The following THAP6 variants were observed in gnomAD, a reference collection of about 807,000 sequenced individuals.
THAP6 encodes THAP domain-containing protein 6.
Under a neutral mutation model 20.0 loss-of-function variants are expected in THAP6, and 13 were observed. The ratio of observed to expected loss-of-function variants is 0.65; its 90% CI spans 0.42 to 1.03. The LOEUF is 1.03. THAP6 is among the 50% of genes least tolerant of loss of function. The probability of loss-of-function intolerance (pLI) is 0.00; values close to 1 mark genes in which losing one functional copy is unlikely to be tolerated. For missense variants in THAP6, 262 were observed against 261.6 expected (o/e 1.00, Z -0.01); for synonymous variants, 93 against 92.2 (o/e 1.01, Z -0.05).
chr4:75,521,098 G>T (rs1725996199), intron 3 of THAP6, among the ~76,000 whole-genome samples: 1 of 147,764 alleles, frequency 6.8e-6, no homozygotes. Flanking sequence ...ACTTTTTATT[G>T]TTTGTCTTCA....
At chr4:75,524,034 G>C (rs1381873558) in intron 4 of THAP6, among the ~76,000 whole-genome samples, 1 of 152,064 alleles carries the variant, frequency 6.6e-6, no homozygotes, top group African/African-American at 2.4e-5. Context: ...CTTTTCCCCA[G>C]TTTATGTTCT....
At chr4:75,530,138 T>G (rs1726632231), downstream of THAP6, 2 of 932,024 alleles carry the variant, frequency 2.1e-6, no homozygotes, top group Admixed American at 6.2e-5. Context: ...AACTCTAATA[T>G]GGGGTCTGCA....
chr4:75,524,716 TTTTTTCTTTGCTTTTAAGAA>T (rs1726258022), intron 4 of THAP6, among the ~76,000 whole-genome samples: 1 of 152,228 alleles, frequency 6.6e-6, no homozygotes, highest in Admixed American at 6.5e-5. Context: ...TAATACTTCT[TTTTTTCTTTGCTTTTAAGAA>T]TTTTTCTTTT....
In THAP6 at chr4:75,527,845, C is replaced by G. The variant is rs1001861123; in HGVS notation, c.*631C>G. Reference sequence around the variant, plus strand: ...AGTCTCAGTTTTCAGTACAGTACATCATTCCTCCTCACTAGGAGCACTTTG... The same window carrying G: ...AGTCTCAGTTTTCAGTACAGTACATGATTCCTCCTCACTAGGAGCACTTTG... On this transcript the variant is annotated 3_prime_UTR_variant, in exon 5 of 5. Transcript: ENST00000311638. 7.1e-6 allele frequency: 7 copies of G among 985,370 alleles called. No individual in the cohort carries two copies. In the African/African-American group the frequency reaches 1.0e-4, roughly 15 times the overall value. 61.0% of individuals were successfully genotyped at this position (985,370 alleles called of 1,614,324 possible).
Position 75,527,049 on chromosome 4 carries a change from T to C in THAP6, c.504T>C (p.Ser168=), listed in dbSNP as rs1726418576. 6.2e-7 allele frequency: 1 copy of C among 1,614,112 alleles called. No individual in the cohort carries two copies. Among genetic ancestry groups the C allele is most frequent in the African/African-American group, 1.3e-5 (1 of 75,062 alleles). The change falls in exon 5 of 5, where the codon AGT becomes AGC. Residue 168 remains serine (S), a synonymous_variant. Transcript: ENST00000311638. ...VIGELEDTKE[S]LRNVLDREKR... is the part of the protein sequence containing the mutation. ...GCGAGCTAGAGGATACAAAGGAAAGTCTACGGAATGTTTTAGACCGAGAAA... is the reference window on the plus strand; with the variant it reads ...GCGAGCTAGAGGATACAAAGGAAAGCCTACGGAATGTTTTAGACCGAGAAA...
intron 3 of THAP6, among the ~76,000 whole-genome samples, chr4:75,518,175 G>A (rs558143407): frequency 1.3e-5 from 2 of 152,188 alleles, no homozygotes; most frequent in South Asian, 4.1e-4. Context: ...GTAATGTTAA[G>A]GGGACCTTAA....
intron 4 of THAP6, among the ~76,000 whole-genome samples, chr4:75,523,188 C>T (rs552273540): frequency 1.3e-5 from 2 of 152,296 alleles, no homozygotes; most frequent in East Asian, 3.9e-4. Flanking sequence ...TTGCATTTCT[C>T]TGATGATCAG....
At chr4:75,540,432 A>G (rs1726972149) in intron 2 of THAP6, among the ~76,000 whole-genome samples, 1 of 152,208 alleles carries the variant, frequency 6.6e-6, no homozygotes, top group Admixed American at 6.5e-5. Context: ...GTCACTTACT[A>G]AACAGATAAT....
Position 75,516,908 on chromosome 4 carries a change from A to G in THAP6, c.217A>G (p.Arg73Gly). The change falls in exon 3 of 5, where the codon AGA becomes GGA. Residue 73 changes from arginine to glycine, a missense_variant. By Grantham distance (125) the Arg-to-Gly change is moderately radical. Coordinates refer to ENST00000311638, the MANE Select transcript of THAP6 (RefSeq NM_144721.6). ...GCACTTTAAGAAGACAGATTTTGAC[A>G]GAAGTGCTCCAAATATTAAACTGAA... ...SRHFKKTDFD[R>G]SAPNIKLKPG... 1 of 1,614,092 alleles carries G rather than the reference A, an allele frequency of 6.2e-7. No homozygotes were observed. The highest frequency in any genetic ancestry group is 8.5e-7 in the Non-Finnish European group (1 of 1,180,010).
intron 3 of THAP6, among the ~76,000 whole-genome samples, chr4:75,545,894 A>G (rs2148835532): frequency 6.6e-6 from 1 of 152,290 alleles, no homozygotes; most frequent in East Asian, 1.9e-4. Flanking sequence ...CCAGCCTCAG[A>G]CAGACCTCCA....
intron 3 of THAP6, among the ~76,000 whole-genome samples, chr4:75,543,846 G>T (rs1372643547): frequency 2.0e-5 from 3 of 152,142 alleles, no homozygotes; most frequent in Non-Finnish European, 2.9e-5. Flanking sequence ...GTGTACATTT[G>T]TTTACCAGAA....
intron 4 of THAP6, among the ~76,000 whole-genome samples, chr4:75,523,000 C>T (rs530194943): frequency 1.3e-5 from 2 of 152,250 alleles, no homozygotes; most frequent in East Asian, 3.9e-4. Flanking sequence ...CATACAGTAG[C>T]TCTATTTTAG....
At chr4:75,525,878 T>C (rs751628520) in intron 4 of THAP6, among the ~76,000 whole-genome samples, 31 of 152,222 alleles carry the variant, frequency 2.0e-4, no homozygotes, top group Non-Finnish European at 1.0e-4. Flanking sequence ...AGGGCACTCC[T>C]AATCTCTGGT....
At chr4:75,516,690 T>C in intron 2 of THAP6, 82 bp from the exon 3 acceptor site, 6 of 1,145,966 alleles carry the variant, frequency 5.2e-6, no homozygotes, top group Non-Finnish European at 6.1e-6. Context: ...ATCAATTTAG[T>C]CACAGTTGTA....
At chr4:75,514,243 C>A (rs751752686), upstream of THAP6, 5 of 1,612,894 alleles carry the variant, frequency 3.1e-6, no homozygotes, top group African/African-American at 4.0e-5. Context: ...CCGCTGACCT[C>A]GCTCTTGACC....
At position 75,521,858 on chromosome 4, in the gene THAP6, T is replaced by C. The variant is rs1726054949; in HGVS notation, c.411T>C (p.Ile137=). Residue 137 remains isoleucine, a synonymous_variant, in exon 4 of 5, where the codon ATT becomes ATC. Coordinates refer to ENST00000311638, the MANE Select transcript of THAP6 (RefSeq NM_144721.6). ...TTGAAGAATTCCAATCCCAGTTCAT[T>C]TTTGTAAGTAAATTACTTGCTGAGC... The part of the protein sequence containing the change: ...SCIEEFQSQF[I]FEHSYSVMDS... The C allele has an allele frequency of 6.2e-7, 1 of 1,613,352 alleles. No individual in the cohort carries two copies. The highest frequency in any genetic ancestry group is 8.5e-7 in the Non-Finnish European group (1 of 1,179,590).
chr4:75,525,431 T>C (rs1264758492), intron 4 of THAP6, among the ~76,000 whole-genome samples: 1 of 152,200 alleles, frequency 6.6e-6, no homozygotes, highest in African/African-American at 2.4e-5. Context: ...CTCCAGTGTA[T>C]TTTTTTACCT....
intron 3 of THAP6, among the ~76,000 whole-genome samples, chr4:75,545,937 C>T (rs889648266): frequency 6.6e-6 from 1 of 152,156 alleles, no homozygotes. Flanking sequence ...GGCAGCTCTG[C>T]GGGCCCACCC....
In THAP6 at chr4:75,528,861, C is replaced by A; in HGVS notation, c.*1647C>A. The A allele has an allele frequency of 2.6e-6, 2 of 770,378 alleles. No individual in the cohort carries two copies. Among genetic ancestry groups the A allele is most frequent in the Non-Finnish European group, 3.2e-6 (2 of 634,426 alleles). 47.7% of individuals were successfully genotyped at this position (770,378 alleles called of 1,614,324 possible). A position where few individuals can be genotyped will look rare whatever the true frequency, so the allele number is the denominator to read the frequency against. The stretch of plus-strand genomic sequence containing the variant: ...GTCAGGGGTTCAAAACCAGCCTGGC[C>A]AAGATGGTGAAACCCCATCTCTGCT... On this transcript the variant is annotated 3_prime_UTR_variant, in exon 5 of 5. Coordinates refer to ENST00000311638, the MANE Select transcript of THAP6 (RefSeq NM_144721.6).
Sources: allele counts gnomAD v4.1 joint callset (sites outside exome capture counted in the v4.1 genomes callset), GRCh38; gene constraint gnomAD v4.1.1; transcripts MANE v1.5; gene names NCBI Gene and HGNC (gene_info 2026-07-23, HGNC 2026-07-21).